Variants in SGCD observed in about 807,000 individuals in gnomAD.
SGCD encodes the protein sarcoglycan delta.
Under a neutral mutation model 36.6 loss-of-function variants are expected in SGCD, and 18 were observed. That is an observed-to-expected ratio of 0.49 (90% CI 0.34 to 0.73). The LOEUF (loss-of-function observed/expected upper bound fraction) is 0.73. Among genes scored for constraint, SGCD ranks in the 30% least tolerant of loss-of-function variants. The pLI is 0.01. For missense variants in SGCD, 387 were observed against 346.7 expected (o/e 1.12, Z -0.92); for synonymous variants, 133 against 130.6 (o/e 1.02, Z -0.12).
chr5:156,125,366 A>G (rs1762145318), intron 3 of SGCD, among the ~76,000 whole-genome samples: 1 of 151,944 alleles, frequency 6.6e-6, no homozygotes, highest in Admixed American at 6.6e-5. Context: ...TTATTTCTGA[A>G]TTTCTCACTG....
At chr5:156,602,184 T>C (rs574412691) in intron 6 of SGCD, among the ~76,000 whole-genome samples, 29 of 152,334 alleles carry the variant, frequency 1.9e-4, no homozygotes, top group Non-Finnish European at 3.1e-4. Flanking sequence ...AGTTTATTCA[T>C]AGGTATCTTA....
At chr5:155,850,341 G>A in the SGCD span, among the ~76,000 whole-genome samples, 1 of 152,228 alleles carries the variant, frequency 6.6e-6, no homozygotes, top group South Asian at 2.1e-4. Context: ...CTCAGAGAGG[G>A]ATAAGAGTCC....
At chr5:156,259,606 G>A (rs61215787) in intron 3 of SGCD, among the ~76,000 whole-genome samples, 9,032 of 152,064 alleles carry the variant, frequency 0.059, 860 homozygotes, top group African/African-American at 0.2. Context: ...ATTAACTTTT[G>A]TTTCTAGAGT....
rs183112690 is a variant in SGCD at position 156,188,966 on chromosome 5, A to G, written c.-44+64947A>G. Among the ~76,000 whole-genome samples the G allele has an allele frequency of 3.3e-5, 5 of 152,216 alleles. No individual in the cohort carries two copies. In the East Asian group the frequency reaches 5.8e-4, roughly 18 times the overall value. ...TCTGCACCCTGTTGTAGAGTGGGTA[A>G]TCACTCTGTGGTTTTCCCAGTGTAC... is the stretch of plus-strand genomic sequence containing the variant. On this transcript the variant is annotated intron_variant, in intron 3 of 9. Coordinates refer to the SGCD transcript ENST00000517913.
chr5:156,207,264 C>T (rs1235215639), intron 3 of SGCD, among the ~76,000 whole-genome samples: 2 of 152,082 alleles, frequency 1.3e-5, no homozygotes, highest in East Asian at 1.9e-4. Flanking sequence ...TTTTAAAATA[C>T]ATACAAGTTG....
At chr5:156,158,726 T>C (rs1464160694) in intron 3 of SGCD, among the ~76,000 whole-genome samples, 1 of 151,606 alleles carries the variant, frequency 6.6e-6, no homozygotes, top group Non-Finnish European at 1.5e-5. Flanking sequence ...ACTATCTATT[T>C]GCTCAATTGT....
the SGCD span, among the ~76,000 whole-genome samples, chr5:155,738,069 G>A: frequency 6.6e-6 from 1 of 152,094 alleles, no homozygotes; most frequent in South Asian, 2.1e-4. Flanking sequence ...TCTCTCTCTG[G>A]ACCACTTCTC....
chr5:156,309,245 C>CT (rs1767322135), intron 3 of SGCD, among the ~76,000 whole-genome samples: 1 of 152,118 alleles, frequency 6.6e-6, no homozygotes, highest in Admixed American at 6.5e-5. Context: ...TGTTCTCTCT[C>CT]TTTTTTCCAT....
intron 7 of SGCD, among the ~76,000 whole-genome samples, chr5:156,723,501 A>T (rs745913227): frequency 1.8e-4 from 27 of 152,262 alleles, no homozygotes; most frequent in Admixed American, 3.3e-4. Flanking sequence ...AGTGAGGAGA[A>T]TAAATGAATC....
chr5:156,464,354 G>T (rs533596549), intron 3 of SGCD, among the ~76,000 whole-genome samples: 4 of 151,426 alleles, frequency 2.6e-5, no homozygotes, highest in Non-Finnish European at 5.9e-5. Context: ...CAGAGTAGCT[G>T]GGATTACAGG....
rs147318206 is a variant in SGCD, at chr5:156,221,136, C to T, written c.-44+97117C>T. ...AATAGGTACATTCACATTGCTATAA[C>T]GGAATAGTACAGACTGGATAACTTG... On this transcript the variant is annotated intron_variant, in intron 3 of 9. Transcript: ENST00000517913. Among the ~76,000 whole-genome samples the T allele has an allele frequency of 3.1e-3, 470 of 152,102 alleles. 3 individuals are homozygous for T. The highest frequency in any genetic ancestry group is 8.6e-3 in the African/African-American group (355 of 41,500).
At chr5:155,999,754 A>C in intron 1 of SGCD, among the ~76,000 whole-genome samples, 1 of 152,232 alleles carries the variant, frequency 6.6e-6, no homozygotes, top group South Asian at 2.1e-4. Flanking sequence ...CAGATGGGTA[A>C]ATGTCCTTCT....
intron 1 of SGCD, among the ~76,000 whole-genome samples, chr5:156,001,123 A>G (rs1758656152): frequency 6.6e-6 from 1 of 152,102 alleles, no homozygotes; most frequent in African/African-American, 2.4e-5. Context: ...TGGTCTTTAC[A>G]CCATTCCCAT....
chr5:156,284,372 A>C, intron 3 of SGCD, among the ~76,000 whole-genome samples: 1 of 152,168 alleles, frequency 6.6e-6, no homozygotes, highest in Non-Finnish European at 1.5e-5. Context: ...ACAACAAAAA[A>C]AGAGAATTTT....
intron 3 of SGCD, among the ~76,000 whole-genome samples, chr5:156,283,642 C>A (rs1383318120): frequency 1.3e-5 from 2 of 152,234 alleles, no homozygotes; most frequent in South Asian, 4.1e-4. Context: ...AGTGGTTTAT[C>A]GTCCTAACTT....
intron 3 of SGCD, among the ~76,000 whole-genome samples, chr5:156,158,102 C>A (rs1342851145): frequency 6.6e-6 from 1 of 151,054 alleles, no homozygotes; most frequent in Non-Finnish European, 1.5e-5. Context: ...CTTAGGTTCC[C>A]ACTGGTGGAA....
At chr5:155,938,719 C>A (rs543956988) in intron 1 of SGCD, among the ~76,000 whole-genome samples, 15 of 152,144 alleles carry the variant, frequency 9.9e-5, no homozygotes, top group Non-Finnish European at 2.1e-4. Context: ...TTTTTCATCC[C>A]CTGTGGCACC....
intron 7 of SGCD, among the ~76,000 whole-genome samples, chr5:156,728,030 C>T (rs1755864394): frequency 6.6e-6 from 1 of 152,198 alleles, no homozygotes; most frequent in East Asian, 1.9e-4. Flanking sequence ...ATCCTCCCCA[C>T]AATCCTGTGA....
intron 7 of SGCD, among the ~76,000 whole-genome samples, chr5:156,746,943 G>A (rs763368069): frequency 2.6e-5 from 4 of 151,974 alleles, no homozygotes; most frequent in Non-Finnish European, 5.9e-5. Flanking sequence ...CTCATAGATT[G>A]GGAGAAAATA....
Sources: allele counts gnomAD v4.1 joint callset (sites outside exome capture counted in the v4.1 genomes callset), GRCh38; gene constraint gnomAD v4.1.1; transcripts MANE v1.5; gene names NCBI Gene and HGNC (gene_info 2026-07-23, HGNC 2026-07-21).